Variants in PCDH9 observed in about 807,000 individuals in gnomAD.
PCDH9 encodes protocadherin-9.
In PCDH9, 24 loss-of-function variants were observed where a neutral mutation model predicts 70.6. The ratio of observed to expected loss-of-function variants is 0.34; its 90% CI spans 0.25 to 0.48. The LOEUF is 0.48. Ranked by LOEUF, PCDH9 falls within the 20% of genes least tolerant of loss-of-function variation. The pLI is 0.99. For missense variants in PCDH9, 1,281 were observed against 1,503.6 expected, an observed-to-expected ratio of 0.85 and a Z score of 2.45; for synonymous variants, 562 against 558.5, an observed-to-expected ratio of 1.01 and a Z score of -0.09.
chr13:66,672,451 T>C (rs2078188744), intron 3 of PCDH9, among the ~76,000 whole-genome samples: 1 of 152,088 alleles, frequency 6.6e-6, no homozygotes, highest in East Asian at 1.9e-4. Context: ...AGAGCCCTCA[T>C]GCAGAACCTC....
At position 67,225,393 on chromosome 13, in the gene PCDH9, G is replaced by C; in HGVS notation, c.3036+12C>G. The C allele has an allele frequency of 6.2e-7, 1 of 1,612,702 alleles. No individual in the cohort carries two copies. The highest frequency in any genetic ancestry group is 8.5e-7 in the Non-Finnish European group (1 of 1,179,088). On this transcript the variant is annotated intron_variant, in intron 2 of 4. Coordinates refer to ENST00000377865, the MANE Select transcript of PCDH9 (RefSeq NM_203487.3). ...ATGCAGTACTTATAGACCAGTAAAA[G>C]TGCTCGTTTACCTGTCTGGTGTGTA... is the stretch of plus-strand genomic sequence containing the variant.
intron 3 of PCDH9, among the ~76,000 whole-genome samples, chr13:66,871,660 C>T (rs1566255716): frequency 6.6e-6 from 1 of 151,984 alleles, no homozygotes; most frequent in Non-Finnish European, 1.5e-5. Flanking sequence ...AATATGCAGC[C>T]AGATTGGTCT....
At chr13:66,900,659 G>T (rs1468157495) in intron 3 of PCDH9, among the ~76,000 whole-genome samples, 2 of 151,598 alleles carry the variant, frequency 1.3e-5, no homozygotes, top group Admixed American at 6.6e-5. Flanking sequence ...TTAAAAGCTT[G>T]CTGGTCACAT....
At chr13:67,070,441 G>A (rs2085738618) in intron 2 of PCDH9, among the ~76,000 whole-genome samples, 1 of 152,188 alleles carries the variant, frequency 6.6e-6, no homozygotes, top group Non-Finnish European at 1.5e-5. Flanking sequence ...ACTGTTAAGT[G>A]TGAGAGGTAT....
intron 4 of PCDH9, among the ~76,000 whole-genome samples, chr13:66,490,498 T>G (rs993623125): frequency 1.3e-5 from 2 of 152,178 alleles, no homozygotes; most frequent in African/African-American, 4.8e-5. Flanking sequence ...TTTTTAAGGG[T>G]GTAGTTCATG....
intron 3 of PCDH9, among the ~76,000 whole-genome samples, chr13:66,695,225 T>C (rs1429729706): frequency 6.6e-6 from 1 of 152,196 alleles, no homozygotes; most frequent in Non-Finnish European, 1.5e-5. Context: ...AAATAACGAA[T>C]GTATAAACTG....
intron 2 of PCDH9, among the ~76,000 whole-genome samples, chr13:67,083,744 G>C (rs774593815): frequency 6.2e-4 from 95 of 152,182 alleles, no homozygotes; most frequent in Non-Finnish European, 1.2e-3. Context: ...TGAAACACCA[G>C]AGAGGGCTGT....
At chr13:67,182,972 T>C (rs2088657389) in intron 2 of PCDH9, among the ~76,000 whole-genome samples, 2 of 152,172 alleles carry the variant, frequency 1.3e-5, no homozygotes, top group Admixed American at 1.3e-4. Context: ...AATGGCCCTA[T>C]TACCTTAGTG....
At chr13:67,095,033 T>C (rs1016123607) in intron 2 of PCDH9, among the ~76,000 whole-genome samples, 1 of 152,150 alleles carries the variant, frequency 6.6e-6, no homozygotes, top group Non-Finnish European at 1.5e-5. Context: ...CCTTATGACA[T>C]ATATATTTTG....
At chr13:66,515,764 A>G (rs570180627) in intron 4 of PCDH9, among the ~76,000 whole-genome samples, 1 of 152,176 alleles carries the variant, frequency 6.6e-6, no homozygotes, top group East Asian at 1.9e-4. Context: ...TATGTAGAAG[A>G]ATTGTAAACA....
At chr13:66,931,805 G>A (rs1486831949) in intron 2 of PCDH9, among the ~76,000 whole-genome samples, 2 of 152,016 alleles carry the variant, frequency 1.3e-5, no homozygotes, top group Non-Finnish European at 2.9e-5. Flanking sequence ...TGCTTGTGAA[G>A]ATTTTCCAGA....
intron 3 of PCDH9, among the ~76,000 whole-genome samples, chr13:66,693,805 A>T (rs1041803954): frequency 1.3e-5 from 2 of 152,240 alleles, no homozygotes; most frequent in Admixed American, 1.3e-4. Context: ...ACAAAGTGGA[A>T]GTGGTGGTTA....
intron 2 of PCDH9, among the ~76,000 whole-genome samples, chr13:67,114,975 C>T (rs2086729895): frequency 6.6e-6 from 1 of 152,038 alleles, no homozygotes; most frequent in South Asian, 2.1e-4. Flanking sequence ...TGTGTTAGCT[C>T]CTATTCATTG....
intron 4 of PCDH9, among the ~76,000 whole-genome samples, chr13:66,430,508 A>G (rs1390392693): frequency 1.3e-5 from 2 of 152,154 alleles, no homozygotes; most frequent in East Asian, 3.9e-4. Flanking sequence ...CAGTGAAGCA[A>G]TAACATAGTA....
intron 4 of PCDH9, among the ~76,000 whole-genome samples, chr13:66,413,277 C>T (rs1438684396): frequency 6.6e-6 from 1 of 152,072 alleles, no homozygotes; most frequent in Non-Finnish European, 1.5e-5. Flanking sequence ...ATTTTAATAG[C>T]TTTATAATTA....
In PCDH9 at chr13:67,137,219, G is replaced by A. The variant is rs147890972; in HGVS notation, c.3036+88186C>T. Reference sequence around the variant, plus strand: ...GACTTCTAATCTAATCATTTTGTTCGGTAAATATTTTGTCATTCCTGTGAA... The same window carrying A: ...GACTTCTAATCTAATCATTTTGTTCAGTAAATATTTTGTCATTCCTGTGAA... On this transcript the variant is annotated intron_variant, in intron 2 of 4. Coordinates refer to ENST00000377865, the MANE Select transcript of PCDH9 (RefSeq NM_203487.3). Among the ~76,000 whole-genome samples the A allele has an allele frequency of 6.2e-3, 943 of 152,134 alleles. 8 individuals carry two copies. Among genetic ancestry groups the A allele is most frequent in the Non-Finnish European group, 0.01 (713 of 67,974 alleles).
chr13:67,070,017 A>T (rs1566403562), intron 2 of PCDH9, among the ~76,000 whole-genome samples: 1 of 151,578 alleles, frequency 6.6e-6, no homozygotes, highest in Non-Finnish European at 1.5e-5. Context: ...AATGTTCTTG[A>T]TTTTTATCAA....
intron 4 of PCDH9, among the ~76,000 whole-genome samples, chr13:66,384,209 AG>A (rs1481117765): frequency 6.6e-6 from 1 of 152,088 alleles, no homozygotes; most frequent in East Asian, 1.9e-4. Flanking sequence ...ATATTGTTAA[AG>A]GTTGAATACA....
intron 3 of PCDH9, among the ~76,000 whole-genome samples, chr13:66,791,868 A>G (rs2080169080): frequency 1.3e-5 from 2 of 152,274 alleles, no homozygotes; most frequent in Admixed American, 1.3e-4. Flanking sequence ...TGTGACAGAT[A>G]TACACTCTGT....
Sources: gnomAD v4.1 joint callset for allele counts (sites outside exome capture counted in the v4.1 genomes callset) on GRCh38, gnomAD v4.1.1 for gene constraint, MANE v1.5 for transcripts, NCBI Gene and HGNC (gene_info 2026-07-23, HGNC 2026-07-21) for gene names.